KCNH1: variants seen among roughly 807,000 people sequenced by gnomAD.
The protein encoded by KCNH1 is voltage-gated delayed rectifier potassium channel KCNH1.
A neutral mutation model predicts 69.2 loss-of-function variants in KCNH1; 27 were observed. That is an observed-to-expected ratio of 0.39 (90% CI 0.29 to 0.54). The LOEUF (loss-of-function observed/expected upper bound fraction) is 0.54, where lower values mean the gene tolerates loss of function less well. Ranked by LOEUF, KCNH1 falls within the 20% of genes least tolerant of loss-of-function variation. The pLI is 0.68. For missense variants in KCNH1, 798 were observed against 1,261.6 expected (o/e 0.63, Z 5.57); for synonymous variants, 456 against 487.7 (o/e 0.93, Z 0.86).
At chr1:210,876,487 G>A (rs1221508100) in intron 7 of KCNH1, among the ~76,000 whole-genome samples, 1 of 152,076 alleles carries the variant, frequency 6.6e-6, no homozygotes. Context: ...TCCTCACTCT[G>A]CCATAATGGG....
chr1:210,760,981 G>A (rs529096746), intron 10 of KCNH1, among the ~76,000 whole-genome samples: 30 of 152,116 alleles, frequency 2.0e-4, no homozygotes, highest in African/African-American at 3.9e-4. Context: ...GGCCGGGCGC[G>A]GTGGCTCACG....
At position 211,053,096 on chromosome 1, in the gene KCNH1, T is replaced by C. The variant is rs536567406; in HGVS notation, c.558+29684A>G. Among the ~76,000 whole-genome samples the C allele has an allele frequency of 2.6e-5, 4 of 152,320 alleles. No individual in the cohort carries two copies. The South Asian group carries it at 8.3e-4, about 32-fold the overall frequency. Reference sequence around the variant, plus strand: ...AAACAATTAATAGCATTGCTAATGGTGAGGGAAGAAAGAAAATGGCTCTTG... The same window carrying C: ...AAACAATTAATAGCATTGCTAATGGCGAGGGAAGAAAGAAAATGGCTCTTG... On this transcript the variant is annotated intron_variant, in intron 5 of 10. Coordinates refer to ENST00000271751, the MANE Select transcript of KCNH1 (RefSeq NM_172362.3).
intron 10 of KCNH1, among the ~76,000 whole-genome samples, chr1:210,731,717 G>A (rs183487303): frequency 3.9e-4 from 59 of 152,196 alleles, no homozygotes; most frequent in Middle Eastern, 3.4e-3. Flanking sequence ...AAATGTCTTG[G>A]GGAGTCTCCG....
In KCNH1 at chr1:210,811,089, G is replaced by A. The variant is rs192168076; in HGVS notation, c.1463-6923C>T. 1.6e-3 allele frequency among the ~76,000 whole-genome samples: 241 copies of A among 152,242 alleles called. 2 individuals carry two copies. Among genetic ancestry groups the A allele is most frequent in the African/African-American group, 5.6e-3 (232 of 41,558 alleles). ...TAAGTGAGGGAGAGAAAGGTTGAAGGTTTCAATATTCAGTGTACAAAGTTC... is the reference window on the plus strand; with the variant it reads ...TAAGTGAGGGAGAGAAAGGTTGAAGATTTCAATATTCAGTGTACAAAGTTC... On this transcript the variant is annotated intron_variant, in intron 7 of 10. Coordinates refer to ENST00000271751, the MANE Select transcript of KCNH1 (RefSeq NM_172362.3).
chr1:211,022,328 A>T (rs1228081819), intron 5 of KCNH1, among the ~76,000 whole-genome samples: 1 of 152,172 alleles, frequency 6.6e-6, no homozygotes, highest in Non-Finnish European at 1.5e-5. Flanking sequence ...AATCAAATCA[A>T]ATGGATTAAA....
At chr1:211,010,100 T>C (rs2102407200) in intron 6 of KCNH1, among the ~76,000 whole-genome samples, 1 of 152,122 alleles carries the variant, frequency 6.6e-6, no homozygotes, top group Non-Finnish European at 1.5e-5. Context: ...AATGATGGAG[T>C]TCTCCACTCA....
At chr1:210,966,162 G>T (rs1558544924) in intron 6 of KCNH1, among the ~76,000 whole-genome samples, 1 of 152,128 alleles carries the variant, frequency 6.6e-6, no homozygotes, top group Admixed American at 6.5e-5. Flanking sequence ...AAATGGTATT[G>T]GGAAAACTGG....
Position 210,683,828 on chromosome 1 carries a change from A to T in KCNH1, c.2423T>A (p.Val808Glu), listed in dbSNP as rs1229692587. The change falls in exon 11 of 11, where the codon GTG becomes GAG. Residue 808 changes from valine (V) to glutamate (E), a missense_variant. Physicochemically the swap from Val to Glu is moderately radical, Grantham distance 121 (BLOSUM62 -2). This residue lies in a region of KCNH1 where 331 missense variants were observed against 363.2 expected (regional missense o/e 0.91). Transcript: ENST00000271751. This position sits in a 1 kb window ranked among gnomAD's most constrained non-coding sequence, Gnocchi z 5.7. Reference protein sequence around the residue: ...VSFQAASTSGVPDHAKLQAPG... With the variant: ...VSFQAASTSGEPDHAKLQAPG... ...CGCCTGTAGCTTTGCGTGGTCTGGC[A>T]CCCCGGAGGTGGAGGCTGCCTGGAA... The T allele has an allele frequency of 6.2e-7, 1 of 1,613,820 alleles. No individual in the cohort carries two copies. Among genetic ancestry groups the T allele is most frequent in the Non-Finnish European group, 8.5e-7 (1 of 1,180,004 alleles).
intron 6 of KCNH1, among the ~76,000 whole-genome samples, chr1:210,997,321 G>C (rs1169597335): frequency 6.6e-6 from 1 of 152,180 alleles, no homozygotes; most frequent in Non-Finnish European, 1.5e-5. Flanking sequence ...CCTTAAAGGA[G>C]CTGATGCAGC....
At chr1:211,101,601 G>A (rs1028582703) in intron 3 of KCNH1, among the ~76,000 whole-genome samples, 3 of 152,168 alleles carry the variant, frequency 2.0e-5, no homozygotes, top group African/African-American at 7.2e-5. Flanking sequence ...GGTCCATGGA[G>A]GACTCAGCAA....
intron 7 of KCNH1, among the ~76,000 whole-genome samples, chr1:210,811,024 A>G (rs139245320): frequency 6.6e-6 from 1 of 152,280 alleles, no homozygotes; most frequent in Non-Finnish European, 1.5e-5. Flanking sequence ...CTCAGAGAAG[A>G]CTCAATTTGC....
intron 7 of KCNH1, among the ~76,000 whole-genome samples, chr1:210,871,542 C>T (rs1294652771): frequency 6.6e-6 from 1 of 152,120 alleles, no homozygotes; most frequent in African/African-American, 2.4e-5. Context: ...CCCAGCCACC[C>T]CATTACTGGG....
At chr1:210,906,487 C>T (rs944820383) in intron 7 of KCNH1, among the ~76,000 whole-genome samples, 2 of 152,174 alleles carry the variant, frequency 1.3e-5, no homozygotes, top group African/African-American at 4.8e-5. Flanking sequence ...GAGAGAAGTG[C>T]TTATTGTCAT....
intron 5 of KCNH1, among the ~76,000 whole-genome samples, chr1:211,055,377 C>A (rs1690285559): frequency 6.6e-6 from 1 of 152,162 alleles, no homozygotes; most frequent in Non-Finnish European, 1.5e-5. Context: ...CCAGCCCCAA[C>A]CAGAGGCTAA....
rs1457247386 is a variant in KCNH1, at chr1:210,769,009, C to T, written c.2112+6339G>A. Among the ~76,000 whole-genome samples, 7 of 152,114 alleles carry T rather than the reference C, an allele frequency of 4.6e-5. No individual in the cohort carries two copies. In the East Asian group the frequency reaches 7.7e-4, roughly 17 times the overall value. On this transcript the variant is annotated intron_variant, in intron 10 of 10. Coordinates refer to ENST00000271751, the MANE Select transcript of KCNH1 (RefSeq NM_172362.3). ...ACTCACATCATCTCTCCCCCTCCCC[C>T]GACTCCTAATTCCAACACCATGATT... is the stretch of plus-strand genomic sequence containing the variant.
chr1:210,785,372 T>C (rs115482845), intron 9 of KCNH1, among the ~76,000 whole-genome samples: 2,670 of 151,986 alleles, frequency 0.018, 36 homozygotes, highest in Middle Eastern at 0.034. Flanking sequence ...TAGTCTTATT[T>C]ACATTATCTC....
In KCNH1 at chr1:211,107,376, A is replaced by G. The variant is rs1166583219; in HGVS notation, c.81T>C (p.Asp27=). The G allele has an allele frequency of 1.0e-5, 16 of 1,546,428 alleles. No individual in the cohort carries two copies. Among genetic ancestry groups the G allele is most frequent in the Non-Finnish European group, 1.3e-5 (15 of 1,151,076 alleles). Residue 27 remains aspartate (D), a splice_region_variant and synonymous_variant, in exon 2 of 11, where the codon GAT becomes GAC. Transcript: ENST00000271751. The part of the protein sequence containing the change: ...FLENIVRRSN[D]TNFVLGNAQI... ...GAGCATTCCCCAACACAAAATTAGT[A>G]TCTGTTAAAAAAAAAAAAAAGGGAA...
intron 7 of KCNH1, among the ~76,000 whole-genome samples, chr1:210,863,551 G>A (rs1282602833): frequency 6.6e-6 from 1 of 152,182 alleles, no homozygotes; most frequent in Non-Finnish European, 1.5e-5. Flanking sequence ...CTTGATAATA[G>A]TAAATGCCAT....
chr1:211,016,927 A>T lies in KCNH1; in HGVS notation c.1032+1856T>A, dbSNP rs573759347. On this transcript the variant is annotated intron_variant, in intron 6 of 10. Transcript: ENST00000271751. ...CTGTCTCAAAAAAAAAAAAAATTTT[A>T]AAATTAAAAAAAAAAATTCTCATTT... Among the ~76,000 whole-genome samples the T allele has an allele frequency of 4.1e-3, 590 of 145,150 alleles. 4 individuals are homozygous for T. The highest frequency in any genetic ancestry group is 9.5e-3 in the African/African-American group (376 of 39,460).
Sources: gnomAD v4.1 joint callset for allele counts (sites outside exome capture counted in the v4.1 genomes callset) on GRCh38, gnomAD v4.1.1 for gene constraint, gnomAD v4.1.1 regional missense constraint, Gnocchi (gnomAD v3.1) non-coding constraint, MANE v1.5 for transcripts, NCBI Gene and HGNC (gene_info 2026-07-23, HGNC 2026-07-21) for gene names.